PMEPA1: variants seen among roughly 807,000 people sequenced by gnomAD.
PMEPA1 encodes prostate transmembrane protein, androgen induced 1, also known as protein TMEPAI.
A neutral mutation model predicts 23.0 loss-of-function variants in PMEPA1; 11 were observed. The ratio of observed to expected loss-of-function variants is 0.48; its 90% CI spans 0.30 to 0.79. The LOEUF (loss-of-function observed/expected upper bound fraction) is 0.79, where lower values mean the gene tolerates loss of function less well. PMEPA1 is among the 30% of genes least tolerant of loss of function. The pLI is 0.06. For missense variants in PMEPA1, 377 were observed against 390.9 expected, an observed-to-expected ratio of 0.96 and a Z score of 0.30; for synonymous variants, 204 against 166.4, an observed-to-expected ratio of 1.23 and a Z score of -1.74.
Position 57,709,889 on chromosome 20 carries a change from G to A in PMEPA1, c.-307C>T, listed in dbSNP as rs2072147452. The A allele has an allele frequency of 9.9e-7, 1 of 1,005,978 alleles. No homozygotes were observed. Among genetic ancestry groups the A allele is most frequent in the Non-Finnish European group, 1.2e-6 (1 of 846,718 alleles). 62.3% of individuals were successfully genotyped at this position (1,005,978 alleles called of 1,614,324 possible). On this transcript the variant is annotated 5_prime_UTR_variant, in exon 1 of 4. Coordinates refer to ENST00000341744, the MANE Select transcript of PMEPA1 (RefSeq NM_020182.5). ...GCGCTGCCGCCGGGGCTGAGCCTCT[G>A]CCGCTAGCTTTCCCCAGCCGAGCGC...
At chr20:57,705,315 T>C (rs2072066398) in intron 1 of PMEPA1, among the ~76,000 whole-genome samples, 1 of 152,256 alleles carries the variant, frequency 6.6e-6, no homozygotes, top group Non-Finnish European at 1.5e-5. Flanking sequence ...GCCAACTGTC[T>C]GACCTAAGAT....
chr20:57,656,423 G>A lies in PMEPA1; in HGVS notation c.264+3120C>T, dbSNP rs1426583984. ...GATTGGGGGATAAAGAGGACAAAGG[G>A]TCACCCCATCCAAGGCCTGAGTTCC... On this transcript the variant is annotated intron_variant, in intron 2 of 3. Coordinates refer to ENST00000341744, the MANE Select transcript of PMEPA1 (RefSeq NM_020182.5). This position sits in a 1 kb window ranked among gnomAD's most constrained non-coding sequence, Gnocchi z 4.7. Among the ~76,000 whole-genome samples, 2 of 151,936 alleles carry A rather than the reference G, an allele frequency of 1.3e-5. No individual in the cohort carries two copies. Among genetic ancestry groups the A allele is most frequent in the Admixed American group, 6.5e-5 (1 of 15,284 alleles).
chr20:57,679,120 C>T lies in PMEPA1; in HGVS notation c.110-19423G>A, dbSNP rs544807139. On this transcript the variant is annotated intron_variant, in intron 1 of 3. Coordinates refer to ENST00000341744, the MANE Select transcript of PMEPA1 (RefSeq NM_020182.5). ...GTTTGTGATAATGAGCACCTAGGAG[C>T]GGGGACCTCCTTAAATGATCTGGTT... Among the ~76,000 whole-genome samples the T allele has an allele frequency of 1.1e-4, 16 of 152,256 alleles. No homozygotes were observed. The South Asian group carries it at 2.9e-3, about 28-fold the overall frequency.
chr20:57,652,063 T>C lies in PMEPA1; in HGVS notation c.854A>G (p.His285Arg). 6.7e-7 allele frequency: 1 copy of C among 1,497,800 alleles called. No individual in the cohort carries two copies. The highest frequency in any genetic ancestry group is 8.9e-7 in the Non-Finnish European group (1 of 1,118,192). The allele number at this position is 1,497,800 out of a possible 1,614,324, so 92.8% of individuals were successfully genotyped here. Reference protein sequence around the residue: ...WSKEKDKQKGHPL With the variant: ...WSKEKDKQKGRPL The stretch of plus-strand genomic sequence containing the variant: ...GCCCCCCTGGGGACCCTAGAGAGGG[T>C]GTCCTTTCTGTTTATCCTTCTCTTT... The change falls in exon 4 of 4, where the codon CAC (histidine) becomes CGC (arginine). Residue 285 changes from histidine to arginine, a missense_variant. By Grantham distance (29) the His-to-Arg change is conservative (BLOSUM62 0). Transcript: ENST00000341744. This position sits in a 1 kb window ranked among gnomAD's most constrained non-coding sequence, Gnocchi z 6.1.
rs1334055770 is a variant in PMEPA1, at chr20:57,652,916, G to A, written c.318+117C>T. On this transcript the variant is annotated intron_variant, in intron 3 of 3. Coordinates refer to ENST00000341744, the MANE Select transcript of PMEPA1 (RefSeq NM_020182.5). This position sits in a 1 kb window ranked among gnomAD's most constrained non-coding sequence, Gnocchi z 6.1. ...CGGCAAGGAGGATCCCAGCAGCAAG[G>A]GCACTGCAGAGGAGGGCGGAGGGGT... 3 of 864,162 alleles carry A rather than the reference G, an allele frequency of 3.5e-6. No homozygotes were observed. Among genetic ancestry groups the A allele is most frequent in the Non-Finnish European group, 3.8e-6 (2 of 529,442 alleles). 53.5% of individuals were successfully genotyped at this position (864,162 alleles called of 1,614,324 possible). A position where few individuals can be genotyped will look rare whatever the true frequency, so the allele number is the denominator to read the frequency against.
Position 57,709,564 on chromosome 20 carries a change from C to G in PMEPA1, c.19G>C (p.Val7Leu). ...GCGGCGGCGGCGGCGGTGCTGTTGA[C>G]CCCCATCAAGCGGTGCATGGACGGC... is the stretch of plus-strand genomic sequence containing the variant. Reference protein sequence around the residue: MHRLMGVNSTAAAAAGQ... With the variant: MHRLMGLNSTAAAAAGQ... Residue 7 changes from valine to leucine, a missense_variant, in exon 1 of 4, where the codon GTC becomes CTC. Coordinates refer to ENST00000341744, the MANE Select transcript of PMEPA1 (RefSeq NM_020182.5). 9.3e-7 allele frequency: 1 copy of G among 1,078,854 alleles called. No individual in the cohort carries two copies. The allele number at this position is 1,078,854 out of a possible 1,614,324, so 66.8% of individuals were successfully genotyped here.
chr20:57,711,190 A>G (rs988357348), upstream of PMEPA1: 1 of 152,184 alleles, frequency 6.6e-6, no homozygotes, highest in Non-Finnish European at 1.5e-5. Context: ...GAGTTTCAGT[A>G]ATTAGCAGGG....
At chr20:57,706,101 A>G (rs987863018) in intron 1 of PMEPA1, among the ~76,000 whole-genome samples, 1 of 152,170 alleles carries the variant, frequency 6.6e-6, no homozygotes, top group African/African-American at 2.4e-5. Flanking sequence ...CCAGTGGGTG[A>G]TGTTAAAAAG....
chr20:57,705,038 A>G (rs1311295058), intron 1 of PMEPA1, among the ~76,000 whole-genome samples: 2 of 152,090 alleles, frequency 1.3e-5, no homozygotes, highest in Non-Finnish European at 2.9e-5. Flanking sequence ...TTCTTCTTAC[A>G]TGCCCAGAAG....
rs2071308016 is a variant in PMEPA1 at position 57,655,053 on chromosome 20, G to A, written c.265-1967C>T. On this transcript the variant is annotated intron_variant, in intron 2 of 3. Transcript: ENST00000341744. The surrounding 1 kb of genome is among the most constrained non-coding windows in gnomAD (Gnocchi z 4.2). The stretch of plus-strand genomic sequence containing the variant: ...AGGCCCATACCCCCTAGATGTCCAC[G>A]GCCGTAGTATAGCTGTTTCCTTTAA... 6.6e-6 allele frequency among the ~76,000 whole-genome samples: 1 copy of A among 151,308 alleles called. No homozygotes were observed. Among genetic ancestry groups the A allele is most frequent in the African/African-American group, 2.4e-5 (1 of 41,046 alleles).
chr20:57,659,237 G>T (rs948758773), intron 2 of PMEPA1, among the ~76,000 whole-genome samples: 4 of 152,028 alleles, frequency 2.6e-5, no homozygotes, highest in African/African-American at 9.7e-5. Flanking sequence ...CTCTCCCCAG[G>T]CCCTGCACAG....
At chr20:57,681,414 C>T (rs577265403) in intron 1 of PMEPA1, among the ~76,000 whole-genome samples, 6 of 152,198 alleles carry the variant, frequency 3.9e-5, no homozygotes, top group Non-Finnish European at 7.4e-5. Flanking sequence ...GAGCCAGTCC[C>T]ACTTCTGCCA....
chr20:57,690,141 C>G (rs951361531), intron 1 of PMEPA1, among the ~76,000 whole-genome samples: 8 of 152,246 alleles, frequency 5.3e-5, no homozygotes, highest in African/African-American at 1.9e-4. Flanking sequence ...ACCTGCCTGG[C>G]TTTCAGCCTG....
intron 2 of PMEPA1, among the ~76,000 whole-genome samples, chr20:57,658,774 G>A (rs1378870692): frequency 6.6e-6 from 1 of 152,202 alleles, no homozygotes. Flanking sequence ...AAGGCATTGT[G>A]ACCACATGAC....
chr20:57,709,646 C>CGG lies in PMEPA1; in HGVS notation c.-66_-65dup, dbSNP rs2072141001. 1 of 973,788 alleles carries CGG rather than the reference C, an allele frequency of 1.0e-6. No individual in the cohort carries two copies. Among genetic ancestry groups the CGG allele is most frequent in the East Asian group, 1.2e-4 (1 of 8,344 alleles). 60.3% of individuals were successfully genotyped at this position (973,788 alleles called of 1,614,324 possible). A position where few individuals can be genotyped will look rare whatever the true frequency, so the allele number is the denominator to read the frequency against. On this transcript the variant is annotated 5_prime_UTR_variant, in exon 1 of 4. Coordinates refer to ENST00000341744, the MANE Select transcript of PMEPA1 (RefSeq NM_020182.5). ...GGGGGCGGCCGGGGGGGGCTCCGGC[C>CGG]GGCGCCCGGAGCTGGGGCCCCGCAT...
intron 1 of PMEPA1, among the ~76,000 whole-genome samples, chr20:57,696,117 G>A (rs374975581): frequency 4.6e-5 from 7 of 152,266 alleles, no homozygotes; most frequent in African/African-American, 1.7e-4. Context: ...GAGCCCCAGG[G>A]ATCGCTGCTG....
intron 1 of PMEPA1, among the ~76,000 whole-genome samples, chr20:57,693,132 T>A (rs2071904256): frequency 6.6e-6 from 1 of 152,196 alleles, no homozygotes; most frequent in African/African-American, 2.4e-5. Flanking sequence ...AGGAGCTGTG[T>A]CTGAAGCCCG....
rs1468796761 is a variant in PMEPA1, at chr20:57,651,043, G to T, written c.*1010C>A. 3 of 152,220 alleles carry T rather than the reference G, an allele frequency of 2.0e-5. No homozygotes were observed. The highest frequency in any genetic ancestry group is 4.4e-5 in the Non-Finnish European group (3 of 68,038). 9.4% of individuals were successfully genotyped at this position (152,220 alleles called of 1,614,324 possible). A position where few individuals can be genotyped will look rare whatever the true frequency, so the allele number is the denominator to read the frequency against. The stretch of plus-strand genomic sequence containing the variant: ...CGGGGACCTTCACAGTTGGAAAAAA[G>T]AAGAGGAAAAACTAATTCCTTCGGT... On this transcript the variant is annotated 3_prime_UTR_variant, in exon 4 of 4. Coordinates refer to ENST00000341744, the MANE Select transcript of PMEPA1 (RefSeq NM_020182.5).
At chr20:57,664,826 C>A (rs889674324) in intron 1 of PMEPA1, among the ~76,000 whole-genome samples, 1 of 152,210 alleles carries the variant, frequency 6.6e-6, no homozygotes, top group African/African-American at 2.4e-5. Flanking sequence ...AGGCCACACC[C>A]AAGGCATCTG....
Sources: gnomAD v4.1 joint callset for allele counts (sites outside exome capture counted in the v4.1 genomes callset) on GRCh38, gnomAD v4.1.1 for gene constraint, Gnocchi (gnomAD v3.1) non-coding constraint, MANE v1.5 for transcripts, NCBI Gene and HGNC (gene_info 2026-07-23, HGNC 2026-07-21) for gene names.